VPS13D: variants seen among roughly 807,000 people sequenced by gnomAD.
The protein encoded by VPS13D is vacuolar protein sorting 13 homolog D, also known as intermembrane lipid transfer protein VPS13D.
Under a neutral mutation model 461.9 loss-of-function variants are expected in VPS13D, and 187 were observed. The observed-to-expected ratio is 0.40, with a 90% confidence interval of 0.36 to 0.46. The LOEUF (loss-of-function observed/expected upper bound fraction) is 0.46. VPS13D is among the 20% of genes least tolerant of loss of function. VPS13D has a pLI of 0.60. For synonymous variants in VPS13D, 1,951 were observed against 1,986.3 expected, an observed-to-expected ratio of 0.98 and a Z score of 0.47; for missense variants, 4,711 against 5,364.9, an observed-to-expected ratio of 0.88 and a Z score of 3.81.
chr1:12,380,509 AC>A (rs1644259360), intron 57 of VPS13D, among the ~76,000 whole-genome samples: 1 of 152,226 alleles, frequency 6.6e-6, no homozygotes, highest in Non-Finnish European at 1.5e-5. Flanking sequence ...ACTCCCAGCT[AC>A]TTTCTAAGCA....
intron 66 of VPS13D, among the ~76,000 whole-genome samples, chr1:12,459,468 C>CTTTCT (rs1304663529): frequency 6.7e-6 from 1 of 148,862 alleles, no homozygotes; most frequent in African/African-American, 2.5e-5. Flanking sequence ...CCTTAGATAT[C>CTTTCT]TTTCTTTTCT....
chr1:12,333,574 G>T (rs1264680864), intron 38 of VPS13D, among the ~76,000 whole-genome samples: 1 of 152,182 alleles, frequency 6.6e-6, no homozygotes, highest in East Asian at 1.9e-4. Context: ...GCTATCAGTG[G>T]TTAAGCAAGA....
Position 12,261,060 on chromosome 1 carries a change from G to T in VPS13D, c.1325G>T (p.Gly442Val). The T allele has an allele frequency of 6.2e-7, 1 of 1,614,178 alleles. No homozygotes were observed. Among genetic ancestry groups the T allele is most frequent in the Non-Finnish European group, 8.5e-7 (1 of 1,180,026 alleles). The change falls in exon 12 of 70, where the codon GGC becomes GTC. Residue 442 changes from glycine (G) to valine (V), a missense_variant. By Grantham distance (109) the Gly-to-Val change is moderately radical. Transcript: ENST00000620676. ...YLQSWFPGWGGWYGQQTPEGN... is the reference protein window; with the variant it reads ...YLQSWFPGWGVWYGQQTPEGN... ...CAGTCCTGGTTTCCTGGATGGGGTG[G>T]CTGGTACGGGCAGCAGACCCCAGAA...
At chr1:12,383,239 A>G (rs1644306244) in intron 58 of VPS13D, 84 bp downstream of exon 58, 3 of 1,358,384 alleles carry the variant, frequency 2.2e-6, no homozygotes, top group Non-Finnish European at 3.0e-6. Context: ...TACTTATTGA[A>G]CATGTTTATG....
chr1:12,497,684 T>C, intron 68 of VPS13D, 53 bp downstream of exon 68: 2 of 1,569,708 alleles, frequency 1.3e-6, no homozygotes, highest in Non-Finnish European at 1.7e-6. Flanking sequence ...TTGCCTCTTC[T>C]TTTGATCCTG....
At chr1:12,424,012 G>C (rs1236095034) in intron 65 of VPS13D, among the ~76,000 whole-genome samples, 1 of 152,160 alleles carries the variant, frequency 6.6e-6, no homozygotes, top group African/African-American at 2.4e-5. Flanking sequence ...ATGTATGACT[G>C]CTCCATTTTA....
At chr1:12,381,084 C>A (rs1644266164) in intron 57 of VPS13D, among the ~76,000 whole-genome samples, 1 of 152,158 alleles carries the variant, frequency 6.6e-6, no homozygotes, top group African/African-American at 2.4e-5. Context: ...TCTATTTCAT[C>A]ATTTCCCTGC....
At chr1:12,385,672 A>G (rs910056256) in intron 59 of VPS13D, among the ~76,000 whole-genome samples, 3 of 152,242 alleles carry the variant, frequency 2.0e-5, no homozygotes, top group Non-Finnish European at 1.5e-5. Flanking sequence ...TGCTTCAGCC[A>G]TCTCTGACAT....
intron 35 of VPS13D, among the ~76,000 whole-genome samples, chr1:12,325,819 A>C (rs1643166983): frequency 6.6e-6 from 1 of 152,026 alleles, no homozygotes; most frequent in Admixed American, 6.6e-5. Context: ...ATCATTCTTT[A>C]CTTGTTATTC....
chr1:12,327,313 C>G (rs1486454814), intron 35 of VPS13D, among the ~76,000 whole-genome samples: 1 of 152,176 alleles, frequency 6.6e-6, no homozygotes, highest in Non-Finnish European at 1.5e-5. Flanking sequence ...CTGTCCTCTT[C>G]TCTCCTCTCC....
At chr1:12,401,807 C>A (rs1644585354) in intron 62 of VPS13D, 103 bp downstream of exon 62, 4 of 842,966 alleles carry the variant, frequency 4.7e-6, no homozygotes, top group Non-Finnish European at 5.8e-6. Flanking sequence ...TGATAGGCTC[C>A]CTTTCCACAT....
In VPS13D at chr1:12,322,544, A is replaced by G. The variant is rs1235318650; in HGVS notation, c.7713A>G (p.Leu2571=). 6.2e-7 allele frequency: 1 copy of G among 1,614,140 alleles called. No homozygotes were observed. Among genetic ancestry groups the G allele is most frequent in the Admixed American group, 1.7e-5 (1 of 60,008 alleles). ...TTTTTACATTTTGTTAGATTCAGTT[A>G]CAAGCCCTGGATATCAGACTCTCCT... The part of the protein sequence containing the change: ...EDFPPVLEIQ[L]QALDIRLSYN... Residue 2571 remains leucine (L), a synonymous_variant, in exon 34 of 70, where the codon TTA becomes TTG. Transcript: ENST00000620676.
At chr1:12,275,331 C>T (rs1641578089) in intron 18 of VPS13D, among the ~76,000 whole-genome samples, 1 of 152,180 alleles carries the variant, frequency 6.6e-6, no homozygotes, top group South Asian at 2.1e-4. Context: ...AGTAGAATCG[C>T]TTAAACCTGA....
chr1:12,506,765 C>G, intron 68 of VPS13D, 88 bp from the exon 69 acceptor site: 1 of 1,531,008 alleles, frequency 6.5e-7, no homozygotes. Context: ...GCACTCAGGC[C>G]CTGGGGCCAC....
intron 60 of VPS13D, among the ~76,000 whole-genome samples, chr1:12,388,115 A>G (rs1297407261): frequency 6.6e-6 from 1 of 152,238 alleles, no homozygotes; most frequent in Non-Finnish European, 1.5e-5. Flanking sequence ...CTTATCAACA[A>G]TAGCATAAAG....
intron 1 of VPS13D, among the ~76,000 whole-genome samples, chr1:12,231,267 C>T (rs981832306): frequency 1.1e-4 from 17 of 152,260 alleles, no homozygotes; most frequent in Non-Finnish European, 7.3e-5. Flanking sequence ...CACTTTGGGA[C>T]TCTGGCCAGT....
chr1:12,387,508 G>A (rs941214901), intron 60 of VPS13D, among the ~76,000 whole-genome samples: 2 of 151,928 alleles, frequency 1.3e-5, no homozygotes, highest in Non-Finnish European at 2.9e-5. Context: ...TTTGGAGGAC[G>A]TTAAAACTGT....
intron 68 of VPS13D, among the ~76,000 whole-genome samples, chr1:12,497,879 C>G (rs1166260195): frequency 6.6e-6 from 1 of 152,164 alleles, no homozygotes; most frequent in Non-Finnish European, 1.5e-5. Flanking sequence ...TAGAAAATGA[C>G]AGTCTCTTTC....
At chr1:12,334,349 CAACATCTCTTACTCTA>C (rs1643399757) in intron 38 of VPS13D, among the ~76,000 whole-genome samples, 1 of 150,790 alleles carries the variant, frequency 6.6e-6, no homozygotes, top group Non-Finnish European at 1.5e-5. Context: ...CTCTTACTCA[CAACATCTCTTACTCTA>C]GAAGGTTAGA....
Sources: allele counts gnomAD v4.1 joint callset (sites outside exome capture counted in the v4.1 genomes callset), GRCh38; gene constraint gnomAD v4.1.1; transcripts MANE v1.5; gene names NCBI Gene and HGNC (gene_info 2026-07-23, HGNC 2026-07-21).